Variants in LRRC7 observed in about 807,000 individuals in gnomAD.
LRRC7 encodes leucine rich repeat containing 7.
LRRC7 carries 23 observed loss-of-function variants against 175.7 expected under a neutral mutation model. The ratio of observed to expected loss-of-function variants is 0.13; its 90% CI spans 0.09 to 0.19. The LOEUF (loss-of-function observed/expected upper bound fraction) is 0.19, where lower values mean the gene tolerates loss of function less well. LRRC7 is among the 10% of genes least tolerant of loss of function. The pLI, the probability that LRRC7 is intolerant of heterozygous loss-of-function variation, is 1.00. For missense variants in LRRC7, 1,354 were observed against 1,904.7 expected, an observed-to-expected ratio of 0.71 and a Z score of 5.38; for synonymous variants, 685 against 680.9, an observed-to-expected ratio of 1.01 and a Z score of -0.09.
intron 3 of LRRC7, among the ~76,000 whole-genome samples, chr1:69,791,446 A>T (rs1199202044): frequency 6.6e-6 from 1 of 152,004 alleles, no homozygotes; most frequent in African/African-American, 2.4e-5. Context: ...CCCACCTAAT[A>T]CTTTGGACTG....
chr1:69,763,034 G>A (rs1671209318), intron 3 of LRRC7, among the ~76,000 whole-genome samples: 1 of 151,784 alleles, frequency 6.6e-6, no homozygotes, highest in Admixed American at 6.6e-5. Context: ...TGATATTGAG[G>A]TATGATCCAA....
At chr1:69,594,512 C>A (rs948638249) in intron 1 of LRRC7, among the ~76,000 whole-genome samples, 3 of 152,168 alleles carry the variant, frequency 2.0e-5, no homozygotes, top group African/African-American at 7.2e-5. Context: ...CAGCTCCTAA[C>A]CATTCTGAAA....
intron 8 of LRRC7, among the ~76,000 whole-genome samples, chr1:69,966,669 A>T (rs2101856795): frequency 6.6e-6 from 1 of 152,314 alleles, no homozygotes; most frequent in Middle Eastern, 3.4e-3. Flanking sequence ...CAAACCATGA[A>T]ATGGGAAAGG....
chr1:69,713,965 T>G (rs1270452329), intron 2 of LRRC7, among the ~76,000 whole-genome samples: 1 of 152,062 alleles, frequency 6.6e-6, no homozygotes, highest in Non-Finnish European at 1.5e-5. Flanking sequence ...CTCTTCTTAT[T>G]CTGTCTCTTA....
At chr1:69,850,730 A>G (rs920900360) in intron 7 of LRRC7, among the ~76,000 whole-genome samples, 4 of 152,134 alleles carry the variant, frequency 2.6e-5, no homozygotes, top group Non-Finnish European at 2.9e-5. Context: ...AATTTCCTAT[A>G]TAGAGAAACT....
intron 1 of LRRC7, chr1:69,607,353 T>C (rs2101016793): frequency 6.6e-6 from 1 of 152,262 alleles, no homozygotes; most frequent in African/African-American, 2.4e-5. Flanking sequence ...ATTTCTCATT[T>C]TATTTTATTA....
intron 15 of LRRC7, 46 bp downstream of exon 15, chr1:70,018,864 A>C: frequency 7.0e-7 from 1 of 1,425,868 alleles, no homozygotes; most frequent in South Asian, 1.2e-5. Context: ...ATGATTATGG[A>C]TAGAAATAAC....
chr1:70,007,668 C>T lies in LRRC7; in HGVS notation c.1005-4129C>T, dbSNP rs867376959. On this transcript the variant is annotated intron_variant, in intron 11 of 26. Coordinates refer to ENST00000651989, the MANE Select transcript of LRRC7 (RefSeq NM_001370785.2). Reference sequence around the variant, plus strand: ...AAACAGTGTGAACATCTTTTCTTTGCATTAATGAATTGTCATGTTCCTTTT... The same window carrying T: ...AAACAGTGTGAACATCTTTTCTTTGTATTAATGAATTGTCATGTTCCTTTT... 2.0e-5 allele frequency among the ~76,000 whole-genome samples: 3 copies of T among 152,282 alleles called. No individual in the cohort carries two copies. The South Asian group carries it at 6.2e-4, about 32-fold the overall frequency.
At chr1:69,742,992 A>G (rs758686539) in intron 2 of LRRC7, among the ~76,000 whole-genome samples, 10 of 152,170 alleles carry the variant, frequency 6.6e-5, no homozygotes, top group African/African-American at 2.2e-4. Context: ...TATTTAGAAC[A>G]TAAGTGTCAC....
intron 8 of LRRC7, among the ~76,000 whole-genome samples, chr1:69,933,642 A>G (rs1557904884): frequency 6.6e-6 from 1 of 152,188 alleles, no homozygotes; most frequent in Non-Finnish European, 1.5e-5. Context: ...AAGATAATCT[A>G]CAACAAATAT....
intron 1 of LRRC7, among the ~76,000 whole-genome samples, chr1:69,652,830 A>T (rs532911796): frequency 6.6e-6 from 1 of 152,114 alleles, no homozygotes; most frequent in Non-Finnish European, 1.5e-5. Context: ...AAATAAACTC[A>T]CTCATATATG....
Position 70,142,842 on chromosome 1 carries a change from G to A in LRRC7, c.*20955G>A, listed in dbSNP as rs557231013. The stretch of plus-strand genomic sequence containing the variant: ...CAATTCTGAAGGAAGACAGTGGTAG[G>A]TTTTCAGATGGTTTGTTAAGAATTA... On this transcript the variant is annotated 3_prime_UTR_variant, in exon 27 of 27. Coordinates refer to ENST00000651989, the MANE Select transcript of LRRC7 (RefSeq NM_001370785.2). 1 of 151,890 alleles carries A rather than the reference G, an allele frequency of 6.6e-6. No individual in the cohort carries two copies. The highest frequency in any genetic ancestry group is 1.5e-5 in the Non-Finnish European group (1 of 67,928). 9.4% of individuals were successfully genotyped at this position (151,890 alleles called of 1,614,324 possible). A position where few individuals can be genotyped will look rare whatever the true frequency, so the allele number is the denominator to read the frequency against.
At chr1:69,988,368 G>A (rs1429151014) in intron 10 of LRRC7, among the ~76,000 whole-genome samples, 3 of 151,868 alleles carry the variant, frequency 2.0e-5, no homozygotes, top group East Asian at 1.9e-4. Context: ...CCAGGAATTC[G>A]AGTCCACCCT....
chr1:69,644,079 A>G (rs1428249351), intron 1 of LRRC7, among the ~76,000 whole-genome samples: 1 of 152,084 alleles, frequency 6.6e-6, no homozygotes. Flanking sequence ...TGTCCTATAT[A>G]TGGTCTATCT....
chr1:69,661,790 T>C (rs958849449), intron 1 of LRRC7, among the ~76,000 whole-genome samples: 9 of 152,174 alleles, frequency 5.9e-5, no homozygotes, highest in African/African-American at 2.2e-4. Flanking sequence ...ATGGTATATA[T>C]TTAGACATTT....
chr1:69,590,304 A>C (rs894962259), intron 1 of LRRC7, among the ~76,000 whole-genome samples: 1 of 152,172 alleles, frequency 6.6e-6, no homozygotes, highest in African/African-American at 2.4e-5. Context: ...ACTGGGGCTA[A>C]TAATGTCTAT....
At chr1:69,669,745 A>G (rs1315493271) in intron 1 of LRRC7, among the ~76,000 whole-genome samples, 2 of 151,096 alleles carry the variant, frequency 1.3e-5, no homozygotes, top group South Asian at 2.1e-4. Context: ...GTCATGCTGT[A>G]TTTTTTTTTA....
chr1:69,810,027 C>T (rs749767731), intron 4 of LRRC7, among the ~76,000 whole-genome samples: 5 of 152,096 alleles, frequency 3.3e-5, no homozygotes, highest in Admixed American at 6.6e-5. Flanking sequence ...AAAACCCCAT[C>T]GTCTCAGCCC....
intron 2 of LRRC7, among the ~76,000 whole-genome samples, chr1:69,754,919 T>C (rs1315067309): frequency 6.6e-6 from 1 of 151,970 alleles, no homozygotes; most frequent in African/African-American, 2.4e-5. Flanking sequence ...AGCTGAATGA[T>C]ATTGTAAAGA....
Sources: gnomAD v4.1 joint callset for allele counts (sites outside exome capture counted in the v4.1 genomes callset) on GRCh38, gnomAD v4.1.1 for gene constraint, MANE v1.5 for transcripts, NCBI Gene and HGNC (gene_info 2026-07-23, HGNC 2026-07-21) for gene names.